FGF2: variants seen among roughly 807,000 people sequenced by gnomAD.
FGF2 encodes the protein basic fibroblast growth factor bFGF.
A neutral mutation model predicts 15.9 loss-of-function variants in FGF2; 13 were observed. The ratio of observed to expected loss-of-function variants is 0.82; its 90% CI spans 0.53 to 1.30. FGF2 has a LOEUF of 1.30. Among genes scored for constraint, FGF2 ranks in the 50% most tolerant of loss-of-function variants. FGF2 has a pLI of 0.00. For synonymous variants in FGF2, 90 were observed against 78.4 expected, an observed-to-expected ratio of 1.15 and a Z score of -0.78; for missense variants, 163 against 196.9, an observed-to-expected ratio of 0.83 and a Z score of 1.03.
intron 2 of FGF2, among the ~76,000 whole-genome samples, chr4:122,889,581 T>C (rs899427087): frequency 6.6e-6 from 1 of 152,186 alleles, no homozygotes; most frequent in African/African-American, 2.4e-5. Context: ...ATTTTGGCCC[T>C]ACTACTCATT....
Position 122,827,459 on chromosome 4 carries a change from C to G in FGF2, c.178+107C>G. 7.5e-7 allele frequency: 1 copy of G among 1,326,754 alleles called. No homozygotes were observed. The highest frequency in any genetic ancestry group is 1.8e-5 in the Admixed American group (1 of 54,248). 82.2% of individuals were successfully genotyped at this position (1,326,754 alleles called of 1,614,324 possible). ...TCCCGGATCTTCACTGCGACCCTAG[C>G]GCTCCGTGTGGTTTCTGGCCGCGCG... On this transcript the variant is annotated intron_variant, in intron 1 of 2. Transcript: ENST00000644866. The surrounding 1 kb of genome is among the most constrained non-coding windows in gnomAD (Gnocchi z 4.2).
intron 1 of FGF2, among the ~76,000 whole-genome samples, chr4:122,836,738 T>A (rs1725874999): frequency 6.6e-6 from 1 of 152,194 alleles, no homozygotes; most frequent in South Asian, 2.1e-4. Context: ...ATAAATACTA[T>A]AGTATGAGGC....
intron 1 of FGF2, among the ~76,000 whole-genome samples, chr4:122,867,387 ATGGTGTCTT>A (rs1260455526): frequency 6.6e-6 from 1 of 152,250 alleles, no homozygotes; most frequent in East Asian, 1.9e-4. Context: ...ACTTAGTATT[ATGGTGTCTT>A]TGGAAAAGGA....
At chr4:122,832,751 T>G (rs1033287468) in intron 1 of FGF2, among the ~76,000 whole-genome samples, 5 of 152,228 alleles carry the variant, frequency 3.3e-5, no homozygotes, top group Admixed American at 3.3e-4. Context: ...TGTAGAGTTT[T>G]AGCTGGATCA....
rs1307569207 is a variant in FGF2 at position 122,827,647 on chromosome 4, G to T, written c.178+295G>T. Among the ~76,000 whole-genome samples the T allele has an allele frequency of 6.6e-6, 1 of 152,126 alleles. No individual in the cohort carries two copies. The highest frequency in any genetic ancestry group is 1.5e-5 in the Non-Finnish European group (1 of 68,028). ...GGCCTCGCGGACTGGCTGTCTTCCCGCGGACAACCTGTCGCGTCGGGGATG... is the reference window on the plus strand; with the variant it reads ...GGCCTCGCGGACTGGCTGTCTTCCCTCGGACAACCTGTCGCGTCGGGGATG... On this transcript the variant is annotated intron_variant, in intron 1 of 2. Coordinates refer to ENST00000644866, the MANE Select transcript of FGF2 (RefSeq NM_001361665.2). The surrounding 1 kb of genome is among the most constrained non-coding windows in gnomAD (Gnocchi z 4.2).
At chr4:122,871,273 T>G (rs896002593) in intron 1 of FGF2, among the ~76,000 whole-genome samples, 2 of 152,156 alleles carry the variant, frequency 1.3e-5, no homozygotes, top group African/African-American at 4.8e-5. Flanking sequence ...TGCCATGTGG[T>G]ACTGAGAAGA....
chr4:122,893,295 C>T lies in FGF2; in HGVS notation c.*899C>T. On this transcript the variant is annotated 3_prime_UTR_variant, in exon 3 of 3. Transcript: ENST00000644866. ...TAGAAACTGTATCATCAAAGATTTT[C>T]AGTTAAAGTAGCATTATGTAAAGGC... 7.0e-7 allele frequency: 1 copy of T among 1,430,456 alleles called. No individual in the cohort carries two copies. Among genetic ancestry groups the T allele is most frequent in the Non-Finnish European group, 9.4e-7 (1 of 1,065,346 alleles). 88.6% of individuals were successfully genotyped at this position (1,430,456 alleles called of 1,614,324 possible). A position where few individuals can be genotyped will look rare whatever the true frequency, so the allele number is the denominator to read the frequency against.
At chr4:122,844,233 T>A (rs749399474) in intron 1 of FGF2, among the ~76,000 whole-genome samples, 1 of 152,198 alleles carries the variant, frequency 6.6e-6, no homozygotes, top group African/African-American at 2.4e-5. Flanking sequence ...AATCACTTTC[T>A]TTGTTCTTCC....
rs1328790586 is a variant in FGF2 at position 122,879,400 on chromosome 4, G to C, written c.282+2976G>C. Among the ~76,000 whole-genome samples, 3 of 152,178 alleles carry C rather than the reference G, an allele frequency of 2.0e-5. 1 individual carries two copies. The South Asian group carries it at 6.2e-4, about 32-fold the overall frequency. ...GTTTGGCTACTGTCAGACAGTGAGG[G>C]TGGTAGAGGAAAAAAAAGGAGTTGC... On this transcript the variant is annotated intron_variant, in intron 2 of 2. Transcript: ENST00000644866.
chr4:122,883,638 A>C (rs1175207626), intron 2 of FGF2, among the ~76,000 whole-genome samples: 1 of 152,220 alleles, frequency 6.6e-6, no homozygotes, highest in Non-Finnish European at 1.5e-5. Flanking sequence ...ACAGATTTTT[A>C]AGAAAATTGC....
intron 1 of FGF2, among the ~76,000 whole-genome samples, chr4:122,870,985 C>G (rs1297527515): frequency 6.6e-6 from 1 of 152,144 alleles, no homozygotes; most frequent in Admixed American, 6.5e-5. Context: ...CCTCTTAATA[C>G]TGCTTTAGCT....
intron 1 of FGF2, among the ~76,000 whole-genome samples, chr4:122,850,255 C>G (rs1022917224): frequency 6.8e-6 from 1 of 147,120 alleles, no homozygotes; most frequent in African/African-American, 2.6e-5. Flanking sequence ...AAGTGAGACT[C>G]TGTCTCAAAA....
chr4:122,832,996 AT>A (rs995664018), intron 1 of FGF2, among the ~76,000 whole-genome samples: 1 of 152,240 alleles, frequency 6.6e-6, no homozygotes, highest in Admixed American at 6.5e-5. Flanking sequence ...GACCAGTCTC[AT>A]TCTAAACACC....
chr4:122,865,955 C>A (rs1323678427), intron 1 of FGF2, among the ~76,000 whole-genome samples: 1 of 152,036 alleles, frequency 6.6e-6, no homozygotes, highest in Non-Finnish European at 1.5e-5. Context: ...CCTTCATGAC[C>A]CTAGATTAGG....
intron 1 of FGF2, among the ~76,000 whole-genome samples, chr4:122,832,523 A>G (rs1447917169): frequency 1.3e-5 from 2 of 152,218 alleles, no homozygotes; most frequent in African/African-American, 4.8e-5. Flanking sequence ...CTGTGATTAC[A>G]GGCGTGAGCC....
rs528908243 is a variant in FGF2 at position 122,891,625 on chromosome 4, A to C, written c.283-586A>C. ...TACCAATAGCTATTTTCTGTACAAT[A>C]AACTATTCATTATTATGCCTTAAAA... On this transcript the variant is annotated intron_variant, in intron 2 of 2. Coordinates refer to ENST00000644866, the MANE Select transcript of FGF2 (RefSeq NM_001361665.2). 6.4e-4 allele frequency among the ~76,000 whole-genome samples: 97 copies of C among 152,330 alleles called. 1 individual carries two copies. Among genetic ancestry groups the C allele is most frequent in the African/African-American group, 2.1e-3 (87 of 41,570 alleles).
intron 1 of FGF2, among the ~76,000 whole-genome samples, chr4:122,856,120 A>G (rs1726336392): frequency 6.6e-6 from 1 of 152,234 alleles, no homozygotes; most frequent in Non-Finnish European, 1.5e-5. Context: ...AACATTTTAC[A>G]TATTTTCTCT....
intron 2 of FGF2, among the ~76,000 whole-genome samples, chr4:122,885,387 T>C (rs192113579): frequency 2.6e-5 from 4 of 152,344 alleles, no homozygotes; most frequent in Admixed American, 2.6e-4. Flanking sequence ...GTGATATGTA[T>C]ATATGAATCA....
At chr4:122,850,678 A>T (rs1726211066) in intron 1 of FGF2, among the ~76,000 whole-genome samples, 1 of 152,182 alleles carries the variant, frequency 6.6e-6, no homozygotes, top group South Asian at 2.1e-4. Flanking sequence ...TGAAACAGAC[A>T]TTCATATTCA....
Sources: gnomAD v4.1 joint callset for allele counts (sites outside exome capture counted in the v4.1 genomes callset) on GRCh38, gnomAD v4.1.1 for gene constraint, Gnocchi (gnomAD v3.1) non-coding constraint, MANE v1.5 for transcripts, NCBI Gene and HGNC (gene_info 2026-07-23, HGNC 2026-07-21) for gene names.